Variants in GFRA1 observed in about 807,000 individuals in gnomAD.
GFRA1 encodes the protein GDNF family receptor alpha 1, also known as GDNF family receptor alpha-1.
Under a neutral mutation model 51.6 loss-of-function variants are expected in GFRA1, and 16 were observed. That is an observed-to-expected ratio of 0.31 (90% CI 0.21 to 0.47). GFRA1 has a LOEUF of 0.47. Among genes scored for constraint, GFRA1 ranks in the 20% least tolerant of loss-of-function variants. GFRA1 has a pLI of 1.00. For synonymous variants in GFRA1, 270 were observed against 241.3 expected (o/e 1.12, Z -1.10); for missense variants, 530 against 594.3 (o/e 0.89, Z 1.13).
At chr10:116,104,870 T>A (rs537424939) in intron 6 of GFRA1, among the ~76,000 whole-genome samples, 5 of 152,210 alleles carry the variant, frequency 3.3e-5, no homozygotes, top group Non-Finnish European at 7.4e-5. Context: ...CAGCCTTAGA[T>A]CAGATGTCCC....
intron 5 of GFRA1, among the ~76,000 whole-genome samples, chr10:116,191,407 A>C (rs978510134): frequency 6.6e-6 from 1 of 152,238 alleles, no homozygotes; most frequent in Non-Finnish European, 1.5e-5. Flanking sequence ...TCTGAGTTTT[A>C]AATTCAACTT....
chr10:116,069,135 T>C (rs1205982106), intron 9 of GFRA1, among the ~76,000 whole-genome samples: 5 of 152,164 alleles, frequency 3.3e-5, no homozygotes, highest in African/African-American at 1.2e-4. Context: ...CCGGTACCTA[T>C]GCAGACACCA....
At position 116,063,450 on chromosome 10, in the gene GFRA1, A is replaced by G. The variant is rs572877001; in HGVS notation, c.*948T>C. The G allele has an allele frequency of 1.3e-5, 2 of 152,348 alleles. No homozygotes were observed. Among genetic ancestry groups the G allele is most frequent in the African/African-American group, 4.8e-5 (2 of 41,596 alleles). 9.4% of individuals were successfully genotyped at this position (152,348 alleles called of 1,614,324 possible). On this transcript the variant is annotated 3_prime_UTR_variant, in exon 11 of 11. Transcript: ENST00000355422. ...AGAGCGAACACTACTTATGAGGGGA[A>G]AGAAGCTCTGTGTATTTTGTATTAA...
chr10:116,115,682 T>G (rs1420017058), intron 6 of GFRA1, among the ~76,000 whole-genome samples: 3 of 152,166 alleles, frequency 2.0e-5, no homozygotes, highest in Non-Finnish European at 4.4e-5. Flanking sequence ...ACCCCATTTG[T>G]TGCTCCGTGG....
At chr10:116,191,079 C>T (rs2134322822) in intron 5 of GFRA1, among the ~76,000 whole-genome samples, 1 of 152,318 alleles carries the variant, frequency 6.6e-6, no homozygotes, top group Middle Eastern at 3.4e-3. Context: ...GCAATAATTT[C>T]TGGATAGCTG....
rs556972881 is a variant in GFRA1, at chr10:116,075,075, C to T, written c.1198-9449G>A. Among the ~76,000 whole-genome samples, 6 of 152,338 alleles carry T rather than the reference C, an allele frequency of 3.9e-5. No homozygotes were observed. The South Asian group carries it at 6.2e-4, about 16-fold the overall frequency. On this transcript the variant is annotated intron_variant, in intron 9 of 10. Transcript: ENST00000355422. ...AAGCAATTGTCCAAGGGCTGAATTA[C>T]TGTCCTTCTGATGGGCTGGCCTTAC...
chr10:116,199,820 AC>A (rs1286021344), intron 5 of GFRA1, among the ~76,000 whole-genome samples: 1 of 152,212 alleles, frequency 6.6e-6, no homozygotes, highest in African/African-American at 2.4e-5. Flanking sequence ...CCAAAACCCT[AC>A]TAAGATAGAG....
chr10:116,156,566 T>C (rs1282354286), intron 5 of GFRA1, among the ~76,000 whole-genome samples: 1 of 152,210 alleles, frequency 6.6e-6, no homozygotes, highest in Admixed American at 6.5e-5. Context: ...TCATTCTTTA[T>C]TTATCATATT....
chr10:116,193,249 AG>A (rs1298647651), intron 5 of GFRA1, among the ~76,000 whole-genome samples: 1 of 152,162 alleles, frequency 6.6e-6, no homozygotes, highest in Non-Finnish European at 1.5e-5. Context: ...GAAAATACAA[AG>A]GACCCCTGCC....
At chr10:116,130,423 G>A (rs1259442092) in intron 5 of GFRA1, among the ~76,000 whole-genome samples, 2 of 152,020 alleles carry the variant, frequency 1.3e-5, no homozygotes, top group African/African-American at 2.4e-5. Flanking sequence ...AAGCTTATAT[G>A]GAAACGCAAA....
At chr10:116,240,232 C>T (rs1967242899) in intron 4 of GFRA1, among the ~76,000 whole-genome samples, 1 of 152,070 alleles carries the variant, frequency 6.6e-6, no homozygotes, top group Non-Finnish European at 1.5e-5. Flanking sequence ...AGGCACCAGC[C>T]TCCTACTCCC....
chr10:116,189,223 C>T (rs754998159), intron 5 of GFRA1, among the ~76,000 whole-genome samples: 1 of 152,168 alleles, frequency 6.6e-6, no homozygotes, highest in Non-Finnish European at 1.5e-5. Context: ...CTTCTTCCCC[C>T]ACGAAGGGCA....
At chr10:116,093,961 G>T (rs1956468078) in intron 7 of GFRA1, 125 bp from the exon 8 acceptor site, 1 of 897,728 alleles carries the variant, frequency 1.1e-6, no homozygotes, top group African/African-American at 1.6e-5. Context: ...TATTTGCTGA[G>T]TGGGAAATTA....
intron 4 of GFRA1, among the ~76,000 whole-genome samples, chr10:116,251,990 T>TAAAAAAAAAAAAAAAAAAAAAAAAAAA (rs1968412961): frequency 8.9e-6 from 1 of 111,868 alleles, no homozygotes; most frequent in Non-Finnish European, 1.9e-5. Context: ...TTTTTTTTTT[T>TAAAAAAAAAAAAAAAAAAAAAAAAAAA]ACAATTACCA....
chr10:116,066,176 A>G (rs748213040), intron 9 of GFRA1, among the ~76,000 whole-genome samples: 1 of 152,120 alleles, frequency 6.6e-6, no homozygotes, highest in African/African-American at 2.4e-5. Flanking sequence ...ACCCTTACTG[A>G]GCACCTACTG....
chr10:116,164,268 C>T (rs1960142029), intron 5 of GFRA1, among the ~76,000 whole-genome samples: 1 of 151,878 alleles, frequency 6.6e-6, no homozygotes, highest in South Asian at 2.1e-4. Context: ...CTGCGGCATC[C>T]TACCATTCAC....
At chr10:116,112,452 G>A (rs1241342025) in intron 6 of GFRA1, among the ~76,000 whole-genome samples, 1 of 152,156 alleles carries the variant, frequency 6.6e-6, no homozygotes, top group Admixed American at 6.5e-5. Flanking sequence ...GAGGGGGGCT[G>A]CCCCTGAGAT....
chr10:116,214,882 G>A (rs1965452943), intron 4 of GFRA1, among the ~76,000 whole-genome samples: 1 of 152,180 alleles, frequency 6.6e-6, no homozygotes, highest in Non-Finnish European at 1.5e-5. Flanking sequence ...TATATTTCAT[G>A]CTTTAGCAGA....
At position 116,118,365 on chromosome 10, in the gene GFRA1, T is replaced by C. The variant is rs551254164; in HGVS notation, c.770+6856A>G. On this transcript the variant is annotated intron_variant, in intron 6 of 10. Coordinates refer to ENST00000355422, the MANE Select transcript of GFRA1 (RefSeq NM_005264.8). ...CTCTGATGCTCTCCTAAACCTTTGA[T>C]GGATAAAATCCAGCACCCCTCTGAC... Among the ~76,000 whole-genome samples the C allele has an allele frequency of 4.6e-4, 70 of 152,318 alleles. 2 individuals carry two copies. The highest frequency in any genetic ancestry group is 1.6e-3 in the African/African-American group (68 of 41,578).
Sources: gnomAD v4.1 joint callset for allele counts (sites outside exome capture counted in the v4.1 genomes callset) on GRCh38, gnomAD v4.1.1 for gene constraint, MANE v1.5 for transcripts, NCBI Gene and HGNC (gene_info 2026-07-23, HGNC 2026-07-21) for gene names.